CHDH: variants seen among roughly 807,000 people sequenced by gnomAD.
CHDH encodes the protein choline dehydrogenase, mitochondrial.
CHDH carries 43 observed loss-of-function variants against 56.9 expected under a neutral mutation model. The ratio of observed to expected loss-of-function variants is 0.76; its 90% CI spans 0.59 to 0.97. The LOEUF (loss-of-function observed/expected upper bound fraction) is 0.97. Among genes scored for constraint, CHDH ranks in the 50% least tolerant of loss-of-function variants. CHDH has a pLI of 0.00. For missense variants in CHDH, 816 were observed against 821.1 expected, an observed-to-expected ratio of 0.99 and a Z score of 0.08; for synonymous variants, 364 against 348.5, an observed-to-expected ratio of 1.04 and a Z score of -0.50.
At chr3:53,824,600 G>A (rs1019932604) in intron 2 of CHDH, among the ~76,000 whole-genome samples, 5 of 152,214 alleles carry the variant, frequency 3.3e-5, no homozygotes, top group Non-Finnish European at 1.5e-5. Flanking sequence ...AGACTGTAGA[G>A]CTCAAAGCCT....
chr3:53,845,753 C>A (rs1020759230), intron 1 of CHDH, among the ~76,000 whole-genome samples: 3 of 152,240 alleles, frequency 2.0e-5, no homozygotes, highest in Admixed American at 6.5e-5. Flanking sequence ...ATCGCCAGTG[C>A]TGACGGCTTC....
At chr3:53,822,749 CA>C in intron 3 of CHDH, 107 bp from the exon 4 acceptor site, 4 of 1,342,558 alleles carry the variant, frequency 3.0e-6, no homozygotes, top group Non-Finnish European at 4.0e-6. Flanking sequence ...GCTCTGACTG[CA>C]AGTCCCGCCT....
At chr3:53,833,234 C>T (rs995112980) in intron 2 of CHDH, among the ~76,000 whole-genome samples, 3 of 152,234 alleles carry the variant, frequency 2.0e-5, no homozygotes, top group Admixed American at 6.5e-5. Context: ...TGAAGACAGA[C>T]GCCTTCTTCC....
intron 2 of CHDH, among the ~76,000 whole-genome samples, chr3:53,839,138 C>T (rs550854494): frequency 1.3e-5 from 2 of 152,332 alleles, no homozygotes; most frequent in South Asian, 2.1e-4. Flanking sequence ...TGACTTCACA[C>T]ACATGAGGCA....
rs1385905555 is a variant in CHDH at position 53,820,610 on chromosome 3, T to C, written c.986-2A>G. ...GGTCTTGCAGGTTCTGGCCAACCCC[T>C]GATACGGGAAGGAGTGGTTTAGAAA... On this transcript the variant is annotated splice_acceptor_variant, in intron 5 of 8. Coordinates refer to ENST00000315251, the MANE Select transcript of CHDH (RefSeq NM_018397.5). LOFTEE classifies it high-confidence loss of function. The C allele has an allele frequency of 6.2e-7, 1 of 1,610,434 alleles. No homozygotes were observed.
At chr3:53,832,464 G>A (rs1365705210) in intron 2 of CHDH, among the ~76,000 whole-genome samples, 5 of 151,806 alleles carry the variant, frequency 3.3e-5, no homozygotes, top group African/African-American at 7.3e-5. Context: ...CCCAGGAGGC[G>A]GAGCTTGCAG....
In CHDH at chr3:53,823,908, C is replaced by T. The variant is rs772052242; in HGVS notation, c.101G>A (p.Gly34Asp). Residue 34 changes from glycine to aspartate, a missense_variant, in exon 3 of 9, where the codon GGC becomes GAC. Coordinates refer to ENST00000315251, the MANE Select transcript of CHDH (RefSeq NM_018397.5). ...GCTGTACTCGTCCCGGCTCTCAGAG[C>T]CTGCGCTGGCCAGGGCCCGGGCACC... ...SLGARALASA[G>D]SESRDEYSYV... is the part of the protein sequence containing the mutation. 1 of 1,562,390 alleles carries T rather than the reference C, an allele frequency of 6.4e-7. No individual in the cohort carries two copies. Among genetic ancestry groups the T allele is most frequent in the Non-Finnish European group, 8.6e-7 (1 of 1,162,822 alleles).
At chr3:53,826,719 C>G (rs569439971) in intron 2 of CHDH, among the ~76,000 whole-genome samples, 71 of 152,288 alleles carry the variant, frequency 4.7e-4, no homozygotes, top group Middle Eastern at 6.8e-3. Context: ...CTTTGAACCA[C>G]TCCTTTTTAG....
chr3:53,838,706 A>T (rs1698581481), intron 2 of CHDH, among the ~76,000 whole-genome samples: 1 of 152,180 alleles, frequency 6.6e-6, no homozygotes, highest in African/African-American at 2.4e-5. Flanking sequence ...TGCCATGTGC[A>T]TTCACTTACA....
At chr3:53,844,194 C>A (rs1216607419) in intron 1 of CHDH, among the ~76,000 whole-genome samples, 1 of 152,210 alleles carries the variant, frequency 6.6e-6, no homozygotes, top group East Asian at 1.9e-4. Flanking sequence ...AGCAGGAAAG[C>A]CACTTGGCCT....
intron 2 of CHDH, among the ~76,000 whole-genome samples, chr3:53,826,410 A>C (rs933846120): frequency 4.6e-5 from 7 of 152,236 alleles, no homozygotes; most frequent in African/African-American, 1.4e-4. Flanking sequence ...GTATGTATAG[A>C]AAGAATTATA....
At chr3:53,839,063 G>T (rs1372619127) in intron 2 of CHDH, among the ~76,000 whole-genome samples, 1 of 152,132 alleles carries the variant, frequency 6.6e-6, no homozygotes, top group Non-Finnish European at 1.5e-5. Context: ...CAGAACAAGC[G>T]GGGAGCCCGG....
intron 1 of CHDH, among the ~76,000 whole-genome samples, chr3:53,842,215 T>G (rs1328712318): frequency 6.6e-6 from 1 of 152,166 alleles, no homozygotes; most frequent in Non-Finnish European, 1.5e-5. Flanking sequence ...TGGCCTGAGT[T>G]TCATCCTCCC....
Position 53,819,098 on chromosome 3 carries a change from T to G in CHDH, c.1264-58A>C. On this transcript the variant is annotated intron_variant, in intron 7 of 8. Coordinates refer to ENST00000315251, the MANE Select transcript of CHDH (RefSeq NM_018397.5). The surrounding 1 kb of genome is among the most constrained non-coding windows in gnomAD (Gnocchi z 5.4). ...CTCCATAGACATCCACAGTGACCTC[T>G]GTCAACCCTGGTTTACCTGTAGGGT... 4 of 1,206,320 alleles carry G rather than the reference T, an allele frequency of 3.3e-6. No individual in the cohort carries two copies. Among genetic ancestry groups the G allele is most frequent in the Non-Finnish European group, 4.8e-6 (4 of 828,246 alleles). 74.7% of individuals were successfully genotyped at this position (1,206,320 alleles called of 1,614,324 possible).
chr3:53,834,720 G>A (rs903704560), intron 2 of CHDH, among the ~76,000 whole-genome samples: 2 of 152,158 alleles, frequency 1.3e-5, no homozygotes, highest in African/African-American at 2.4e-5. Flanking sequence ...TTCCTGAAAG[G>A]GCCCTTCGCA....
chr3:53,825,434 A>G (rs965280346), intron 2 of CHDH, among the ~76,000 whole-genome samples: 22 of 150,168 alleles, frequency 1.5e-4, no homozygotes, highest in Admixed American at 1.1e-3. Context: ...AAAACTATAG[A>G]AAAAAACATA....
intron 2 of CHDH, among the ~76,000 whole-genome samples, chr3:53,834,511 C>T (rs1369923524): frequency 2.0e-5 from 3 of 152,152 alleles, no homozygotes; most frequent in Admixed American, 6.5e-5. Flanking sequence ...GGTCAGAAAA[C>T]GGATTGCTTT....
At chr3:53,825,386 G>C (rs763953350) in intron 2 of CHDH, among the ~76,000 whole-genome samples, 2 of 152,036 alleles carry the variant, frequency 1.3e-5, no homozygotes, top group Non-Finnish European at 1.5e-5. Context: ...AGATATAGTT[G>C]AAAAGGTGGA....
chr3:53,820,650 GGCTCAGCT>G, intron 5 of CHDH, 42 bp from the exon 6 acceptor site: 1 of 1,583,008 alleles, frequency 6.3e-7, no homozygotes. Flanking sequence ...CTACCAAGGG[GGCTCAGCT>G]GCTTCTCAAT....
Sources: allele counts gnomAD v4.1 joint callset (sites outside exome capture counted in the v4.1 genomes callset), GRCh38; gene constraint gnomAD v4.1.1; non-coding constraint Gnocchi (gnomAD v3.1); transcripts MANE v1.5; gene names NCBI Gene and HGNC (gene_info 2026-07-23, HGNC 2026-07-21).